PHF21B: variants seen among roughly 807,000 people sequenced by gnomAD.
The protein encoded by PHF21B is PHD finger protein 21B.
Under a neutral mutation model 62.2 loss-of-function variants are expected in PHF21B, and 22 were observed. The observed-to-expected ratio is 0.35, with a 90% confidence interval of 0.25 to 0.51. PHF21B has a LOEUF of 0.51. PHF21B is among the 20% of genes least tolerant of loss of function. PHF21B has a pLI of 0.97. For synonymous variants in PHF21B, 341 were observed against 314.7 expected, an observed-to-expected ratio of 1.08 and a Z score of -0.88; for missense variants, 701 against 707.9, an observed-to-expected ratio of 0.99 and a Z score of 0.11.
chr22:44,930,771 T>C (rs578090394), intron 2 of PHF21B, among the ~76,000 whole-genome samples: 70 of 81,996 alleles, frequency 8.5e-4, no homozygotes, highest in Non-Finnish European at 1.4e-3. Context: ...TCTGACAGGA[T>C]AGGTTGCTGG....
chr22:45,008,562 C>A lies in PHF21B; in HGVS notation c.103G>T (p.Ala35Ser). 1 of 1,585,542 alleles carries A rather than the reference C, an allele frequency of 6.3e-7. No individual in the cohort carries two copies. The highest frequency in any genetic ancestry group is 2.3e-5 in the East Asian group (1 of 43,632). The change falls in exon 2 of 13, where the codon GCG (alanine) becomes TCG (serine). Residue 35 changes from alanine to serine, a missense_variant. By Grantham distance (99) the Ala-to-Ser change is moderately conservative. Coordinates refer to ENST00000313237, the MANE Select transcript of PHF21B (RefSeq NM_138415.5). ...TCGCTTACTTGTTTGTCGCTGAGCG[C>A]GGCGATCCGCGGCTGCCTTTCGTGG... ...QLHERQPRIAALSDKQALGTI... is the reference protein window; with the variant it reads ...QLHERQPRIASLSDKQALGTI...
In PHF21B at chr22:44,916,577, G is replaced by T; in HGVS notation, c.267C>A (p.Asp89Glu). The change falls in exon 4 of 13, where the codon GAC (aspartate) becomes GAA (glutamate). Residue 89 changes from aspartate (D) to glutamate (E), a missense_variant. Physicochemically the swap from Asp to Glu is conservative, Grantham distance 45 (BLOSUM62 2). Transcript: ENST00000313237. ...PDSLPVAPGRDRPPKQPPTFQ... is the reference protein window; with the variant it reads ...PDSLPVAPGRERPPKQPPTFQ... ...ATGTTGGGGGCTGCTTGGGTGGCCGGTCCCGGCCCGGGGCAACGGGGAGGC... is the reference window on the plus strand; with the variant it reads ...ATGTTGGGGGCTGCTTGGGTGGCCGTTCCCGGCCCGGGGCAACGGGGAGGC... 1 of 1,606,418 alleles carries T rather than the reference G, an allele frequency of 6.2e-7. No individual in the cohort carries two copies. Among genetic ancestry groups the T allele is most frequent in the Non-Finnish European group, 8.5e-7 (1 of 1,179,906 alleles).
intron 2 of PHF21B, among the ~76,000 whole-genome samples, chr22:44,937,612 C>T (rs1242149912): frequency 6.6e-6 from 1 of 152,250 alleles, no homozygotes; most frequent in African/African-American, 2.4e-5. Flanking sequence ...ACCTGTATCC[C>T]CAAAACATCA....
intron 7 of PHF21B, among the ~76,000 whole-genome samples, chr22:44,893,125 G>T (rs1019010894): frequency 6.6e-6 from 1 of 152,092 alleles, no homozygotes; most frequent in Non-Finnish European, 1.5e-5. Flanking sequence ...GGGAGGCCAG[G>T]GTGTCCAGCC....
At chr22:44,925,543 A>G (rs1417531690) in intron 2 of PHF21B, among the ~76,000 whole-genome samples, 1 of 152,130 alleles carries the variant, frequency 6.6e-6, no homozygotes, top group Non-Finnish European at 1.5e-5. Context: ...CATGGAACCA[A>G]ATGACCCACA....
At chr22:44,931,382 C>T (rs376407593) in intron 2 of PHF21B, among the ~76,000 whole-genome samples, 1 of 152,266 alleles carries the variant, frequency 6.6e-6, no homozygotes, top group African/African-American at 2.4e-5. Context: ...GTGACCCTGA[C>T]CAAAGCCAGG....
intron 4 of PHF21B, among the ~76,000 whole-genome samples, chr22:44,915,547 G>A (rs984448894): frequency 1.3e-5 from 2 of 152,224 alleles, no homozygotes; most frequent in Non-Finnish European, 2.9e-5. Context: ...CCCTCAGTGG[G>A]CGGGAGAGCC....
Position 44,953,709 on chromosome 22 carries a change from T to C in PHF21B, c.121-33219A>G, listed in dbSNP as rs148090495. 2.8e-3 allele frequency among the ~76,000 whole-genome samples: 425 copies of C among 152,352 alleles called. 2 individuals carry two copies. The highest frequency in any genetic ancestry group is 9.6e-3 in the African/African-American group (398 of 41,568). On this transcript the variant is annotated intron_variant, in intron 2 of 12. Transcript: ENST00000313237. ...GGTGAGCAGAATTTTGAAGAATGCA[T>C]TGGACTTTGTCAGACCCAAATGCAC...
intron 2 of PHF21B, among the ~76,000 whole-genome samples, chr22:44,988,926 T>C (rs548189568): frequency 6.6e-6 from 1 of 152,322 alleles, no homozygotes; most frequent in South Asian, 2.1e-4. Context: ...AGATGGTGCC[T>C]GGCTGCTGTG....
chr22:44,894,214 A>C (rs2071017551), intron 6 of PHF21B, among the ~76,000 whole-genome samples: 1 of 152,234 alleles, frequency 6.6e-6, no homozygotes, highest in South Asian at 2.1e-4. Context: ...GGAATAACAC[A>C]GGGTCTAAAG....
intron 2 of PHF21B, among the ~76,000 whole-genome samples, chr22:44,987,702 T>C (rs372391209): frequency 6.6e-6 from 1 of 151,998 alleles, no homozygotes; most frequent in African/African-American, 2.4e-5. Context: ...AAGGAACCTC[T>C]TGAGGGCAGG....
In PHF21B at chr22:44,977,540, G is replaced by C. The variant is rs145887457; in HGVS notation, c.120+31005C>G. 2.1e-3 allele frequency among the ~76,000 whole-genome samples: 323 copies of C among 152,006 alleles called. 1 individual carries two copies. The highest frequency in any genetic ancestry group is 7.6e-3 in the African/African-American group (316 of 41,434). On this transcript the variant is annotated intron_variant, in intron 2 of 12. Transcript: ENST00000313237. ...CGATCATACCTCTACACTCCAACCTGGGTGACAGAGCGAGACTGTGTCTCA... is the reference window on the plus strand; with the variant it reads ...CGATCATACCTCTACACTCCAACCTCGGTGACAGAGCGAGACTGTGTCTCA...
chr22:44,909,256 A>G (rs6006906), intron 5 of PHF21B, among the ~76,000 whole-genome samples: 18,307 of 152,302 alleles, frequency 0.12, 1,374 homozygotes, highest in African/African-American at 0.22. Context: ...TGACTAAGAT[A>G]TATTAAATAC....
chr22:44,891,476 C>A lies in PHF21B; in HGVS notation c.961-116G>T. On this transcript the variant is annotated intron_variant, in intron 7 of 12. Transcript: ENST00000313237. ...CAGGGTTCCCACCCAGGGCTCCAGGCTCTGGCTGGACACCCCCTGCCAGGG... is the reference window on the plus strand; with the variant it reads ...CAGGGTTCCCACCCAGGGCTCCAGGATCTGGCTGGACACCCCCTGCCAGGG... 4 of 1,272,306 alleles carry A rather than the reference C, an allele frequency of 3.1e-6. No individual in the cohort carries two copies. The South Asian group carries it at 3.9e-5, about 13-fold the overall frequency. The allele number at this position is 1,272,306 out of a possible 1,614,324, so 78.8% of individuals were successfully genotyped here.
In PHF21B at chr22:44,988,205, C is replaced by T. The variant is rs190489102; in HGVS notation, c.120+20340G>A. ...GCGAGGCATGGTGGCTCACCCACGC[C>T]TGTAATCCCAGCACTTTGGGAGGCT... On this transcript the variant is annotated intron_variant, in intron 2 of 12. Transcript: ENST00000313237. Among the ~76,000 whole-genome samples the T allele has an allele frequency of 5.5e-3, 837 of 152,362 alleles. 3 individuals carry two copies. Among genetic ancestry groups the T allele is most frequent in the Non-Finnish European group, 9.1e-3 (622 of 68,038 alleles).
intron 2 of PHF21B, 26 bp downstream of exon 2, chr22:45,008,519 G>C: frequency 6.5e-7 from 1 of 1,531,420 alleles, no homozygotes; most frequent in Non-Finnish European, 8.8e-7. Context: ...CCCCATCCCA[G>C]GGGGGGCCGC....
Position 44,916,554 on chromosome 22 carries a change from G to T in PHF21B, c.290C>A (p.Thr97Lys). 6.2e-7 allele frequency: 1 copy of T among 1,608,896 alleles called. No individual in the cohort carries two copies. Residue 97 changes from threonine (T) to lysine (K), a missense_variant, in exon 4 of 13, where the codon ACA becomes AAA. By Grantham distance (78) the Thr-to-Lys change is moderately conservative (BLOSUM62 -1). Transcript: ENST00000313237. ...GCTGACCACGGTGGCCTTCTGGAAT[G>T]TTGGGGGCTGCTTGGGTGGCCGGTC... ...GRDRPPKQPPTFQKATVVSVK... is the reference protein window; with the variant it reads ...GRDRPPKQPPKFQKATVVSVK...
At chr22:44,970,662 C>T (rs185957124) in intron 2 of PHF21B, among the ~76,000 whole-genome samples, 10 of 152,278 alleles carry the variant, frequency 6.6e-5, no homozygotes, top group Admixed American at 5.9e-4. Flanking sequence ...CAAAGCTCGC[C>T]GAACTGCTCT....
In PHF21B at chr22:44,882,708, C is replaced by A. The variant is rs778494733; in HGVS notation, c.*378G>T. 9.4e-6 allele frequency: 2 copies of A among 212,134 alleles called. No individual in the cohort carries two copies. Among genetic ancestry groups the A allele is most frequent in the Admixed American group, 1.1e-4 (2 of 18,462 alleles). The allele number at this position is 212,134 out of a possible 1,614,324, so 13.1% of individuals were successfully genotyped here. ...TAGGCGGTGCCCTCAGTGGAGACTG[C>A]GTTCTGGGGGGCGTGCTTGTCCCCT... On this transcript the variant is annotated 3_prime_UTR_variant, in exon 13 of 13. Coordinates refer to ENST00000313237, the MANE Select transcript of PHF21B (RefSeq NM_138415.5).
Sources: gnomAD v4.1 joint callset for allele counts (sites outside exome capture counted in the v4.1 genomes callset) on GRCh38, gnomAD v4.1.1 for gene constraint, MANE v1.5 for transcripts, NCBI Gene and HGNC (gene_info 2026-07-23, HGNC 2026-07-21) for gene names.